The following ETV3 variants were observed in gnomAD, a reference collection of about 807,000 sequenced individuals.
ETV3 encodes the protein ETS variant transcription factor 3.
Under a neutral mutation model 33.0 loss-of-function variants are expected in ETV3, and 8 were observed. That is an observed-to-expected ratio of 0.24 (90% CI 0.14 to 0.44). The LOEUF (loss-of-function observed/expected upper bound fraction) is 0.44, where lower values mean the gene tolerates loss of function less well. Among genes scored for constraint, ETV3 ranks in the 20% least tolerant of loss-of-function variants. ETV3 has a pLI of 1.00. For synonymous variants in ETV3, 222 were observed against 238.9 expected (o/e 0.93, Z 0.65); for missense variants, 473 against 652.3 (o/e 0.73, Z 2.99).
At chr1:157,133,512 TA>T in intron 4 of ETV3, 1 of 985,938 alleles carries the variant, frequency 1.0e-6, no homozygotes, top group Non-Finnish European at 1.2e-6. Flanking sequence ...GATGGAAAGC[TA>T]TAACCAGGAA....
At position 157,125,656 on chromosome 1, in the gene ETV3, C is replaced by G; in HGVS notation, c.724G>C (p.Asp242His). 2 of 1,551,618 alleles carry G rather than the reference C, an allele frequency of 1.3e-6. No homozygotes were observed. The highest frequency in any genetic ancestry group is 2.7e-5 in the African/African-American group (2 of 73,110). ...PLFARPGMYP[D>H]PHSPFAVSPI... is the part of the protein sequence containing the mutation. ...GAGACAGCGAAGGGACTGTGGGGGT[C>G]AGGGTACATCCCTGGCCTAGCAAAC... The change falls in exon 5 of 5, where the codon GAC (aspartate) becomes CAC (histidine). Residue 242 changes from aspartate to histidine, a missense_variant. By Grantham distance (81) the Asp-to-His change is moderately conservative (BLOSUM62 -1). Around this residue, in one of 3 missense-constraint regions of ETV3, gnomAD observed 410 missense variants for 520.2 expected, o/e 0.79. Transcript: ENST00000368192. The surrounding 1 kb of genome is among the most constrained non-coding windows in gnomAD (Gnocchi z 4.0).
chr1:157,132,281 G>A (rs1419221827), intron 4 of ETV3, among the ~76,000 whole-genome samples: 1 of 152,208 alleles, frequency 6.6e-6, no homozygotes, highest in Non-Finnish European at 1.5e-5. Context: ...CTTGAGCTTG[G>A]GTTAAAGATC....
chr1:157,134,625 C>A (rs1209432719), intron 3 of ETV3, among the ~76,000 whole-genome samples: 2 of 152,142 alleles, frequency 1.3e-5, no homozygotes, highest in Non-Finnish European at 2.9e-5. Flanking sequence ...ACTAGGGAGA[C>A]CTGATGTGGT....
intron 4 of ETV3, chr1:157,128,668 A>G (rs1674899683): frequency 1.0e-5 from 2 of 192,214 alleles, no homozygotes; most frequent in South Asian, 1.9e-4. Context: ...CTACTAATGG[A>G]TAATAATTGG....
At chr1:157,137,165 C>T (rs1675132203) in intron 1 of ETV3, among the ~76,000 whole-genome samples, 1 of 152,078 alleles carries the variant, frequency 6.6e-6, no homozygotes, top group Non-Finnish European at 1.5e-5. Context: ...ATTTCCTGTT[C>T]CTCCCAGCAA....
At chr1:157,130,506 C>T (rs1213099266) in intron 4 of ETV3, among the ~76,000 whole-genome samples, 2 of 152,212 alleles carry the variant, frequency 1.3e-5, no homozygotes, top group African/African-American at 4.8e-5. Flanking sequence ...GTCTGAATCT[C>T]AGTTCTGGCA....
intron 1 of ETV3, 54 bp from the exon 2 acceptor site, chr1:157,136,419 C>T (rs1383326027): frequency 3.3e-6 from 5 of 1,516,620 alleles, no homozygotes; most frequent in Non-Finnish European, 4.5e-6. Context: ...TTAGTATCCT[C>T]TCAAAAGTTT....
rs1674714392 is a variant in ETV3 at position 157,121,762 on chromosome 1, T to C, written c.*3079A>G. The C allele has an allele frequency of 6.6e-6, 1 of 152,188 alleles. No individual in the cohort carries two copies. Among genetic ancestry groups the C allele is most frequent in the Admixed American group, 6.5e-5 (1 of 15,280 alleles). The allele number at this position is 152,188 out of a possible 1,614,324, so 9.4% of individuals were successfully genotyped here. On this transcript the variant is annotated 3_prime_UTR_variant, in exon 5 of 5. Coordinates refer to ENST00000368192, the MANE Select transcript of ETV3 (RefSeq NM_001145312.3). The stretch of plus-strand genomic sequence containing the variant: ...TCTACCCACTTGGTGAGAAGTGATA[T>C]ACTTCAACTATTTTTTTAATGCTTC...
At chr1:157,130,771 C>T (rs548105086) in intron 4 of ETV3, among the ~76,000 whole-genome samples, 37 of 152,292 alleles carry the variant, frequency 2.4e-4, no homozygotes, top group Non-Finnish European at 3.1e-4. Context: ...TAGCAAATTG[C>T]ATGTCATTGT....
At position 157,135,673 on chromosome 1, in the gene ETV3, A is replaced by T. The variant is rs201230416; in HGVS notation, c.82T>A (p.Ser28Thr). Residue 28 changes from serine to threonine, a missense_variant, in exon 3 of 5, where the codon TCA (serine) becomes ACA (threonine). By Grantham distance (58) the Ser-to-Thr change is moderately conservative (BLOSUM62 1). Around this residue, in one of 3 missense-constraint regions of ETV3, gnomAD observed 33 missense variants for 37.1 expected, o/e 0.89. Transcript: ENST00000368192. ...QFPDWAYKTE[S>T]SPGSRQIQLW... ...TGGATCTGCCGGGAGCCTGGGGATG[A>T]CTCTGTTTTGTAGGCCCAGTCAGGA... The T allele has an allele frequency of 6.2e-7, 1 of 1,613,970 alleles. No individual in the cohort carries two copies. Among genetic ancestry groups the T allele is most frequent in the African/African-American group, 1.3e-5 (1 of 74,892 alleles).
rs898008674 is a variant in ETV3, at chr1:157,122,921, G to C, written c.*1920C>G. On this transcript the variant is annotated 3_prime_UTR_variant, in exon 5 of 5. Coordinates refer to ENST00000368192, the MANE Select transcript of ETV3 (RefSeq NM_001145312.3). Reference sequence around the variant, plus strand: ...TGGAATTTGAATCAAACATGGGGGAGGACACCTGCCAAGCAATAGTATGAT... The same window carrying C: ...TGGAATTTGAATCAAACATGGGGGACGACACCTGCCAAGCAATAGTATGAT... 1 of 152,210 alleles carries C rather than the reference G, an allele frequency of 6.6e-6. No homozygotes were observed. Among genetic ancestry groups the C allele is most frequent in the Non-Finnish European group, 1.5e-5 (1 of 68,076 alleles). 9.4% of individuals were successfully genotyped at this position (152,210 alleles called of 1,614,324 possible).
At chr1:157,137,524 A>ACACACACACACACTCT (rs1675148637) in intron 1 of ETV3, among the ~76,000 whole-genome samples, 1 of 150,926 alleles carries the variant, frequency 6.6e-6, no homozygotes, top group Middle Eastern at 3.2e-3. Context: ...ACACACACAC[A>ACACACACACACACTCT]CACACACACA....
Position 157,125,606 on chromosome 1 carries a change from G to A in ETV3, c.774C>T (p.Val258=), listed in dbSNP as rs747840710. Residue 258 remains valine (V), a synonymous_variant, in exon 5 of 5, where the codon GTC becomes GTT. Transcript: ENST00000368192. The surrounding 1 kb of genome is among the most constrained non-coding windows in gnomAD (Gnocchi z 4.0). The part of the protein sequence containing the change: ...AVSPIPGRGG[V]LNVPISPALS... ...GGGCTGGTGAAATGGGGACATTAAG[G>A]ACACCTCCGCGGCCAGGGATTGGAG... 13 of 1,551,774 alleles carry A rather than the reference G, an allele frequency of 8.4e-6. No individual in the cohort carries two copies. In the South Asian group the frequency reaches 1.4e-4, roughly 17 times the overall value.
chr1:157,121,944 C>T lies in ETV3; in HGVS notation c.*2897G>A, dbSNP rs557271975. The T allele has an allele frequency of 4.5e-4, 68 of 152,288 alleles. No homozygotes were observed. The highest frequency in any genetic ancestry group is 1.5e-3 in the African/African-American group (63 of 41,552). 9.4% of individuals were successfully genotyped at this position (152,288 alleles called of 1,614,324 possible). ...CATTCTTCAGGAAAAAAGGTGAGCT[C>T]AGCAAGGCTGGATGCCATTAAGAGA... On this transcript the variant is annotated 3_prime_UTR_variant, in exon 5 of 5. Transcript: ENST00000368192.
chr1:157,125,222 A>G lies in ETV3; in HGVS notation c.1158T>C (p.Ser386=), dbSNP rs1300943552. 1.3e-6 allele frequency: 2 copies of G among 1,552,052 alleles called. No individual in the cohort carries two copies. The highest frequency in any genetic ancestry group is 2.7e-5 in the African/African-American group (2 of 73,104). Reference sequence around the variant, plus strand: ...GCCTGAGGCTCTCAGGATCCTTTTCAGAGGCAGGTTCCACCTTGATTCTTG... The same window carrying G: ...GCCTGAGGCTCTCAGGATCCTTTTCGGAGGCAGGTTCCACCTTGATTCTTG... ...IPPRIKVEPA[S]EKDPESLRQS... The change falls in exon 5 of 5, where the codon TCT becomes TCC. Residue 386 remains serine (S), a synonymous_variant. Transcript: ENST00000368192. This position sits in a 1 kb window ranked among gnomAD's most constrained non-coding sequence, Gnocchi z 4.0.
At chr1:157,127,462 A>C (rs907608447) in intron 4 of ETV3, among the ~76,000 whole-genome samples, 6 of 152,084 alleles carry the variant, frequency 3.9e-5, no homozygotes, top group Admixed American at 3.9e-4. Flanking sequence ...AAAATCCAGG[A>C]CCTACTATTC....
chr1:157,124,754 T>TACCCC lies in ETV3; in HGVS notation c.*86_*87insGGGGT. 2 of 328,824 alleles carry TACCCC rather than the reference T, an allele frequency of 6.1e-6. No individual in the cohort carries two copies. The highest frequency in any genetic ancestry group is 2.9e-5 in the South Asian group (1 of 34,318). 20.4% of individuals were successfully genotyped at this position (328,824 alleles called of 1,614,324 possible). A position where few individuals can be genotyped will look rare whatever the true frequency, so the allele number is the denominator to read the frequency against. On this transcript the variant is annotated 3_prime_UTR_variant, in exon 5 of 5. Transcript: ENST00000368192. ...CCTAGAATGATCAAACCAGTTTAAC[T>TACCCC]CCCTCCCCCCCACCCTGAAATCTTG...
At chr1:157,137,509 A>AACACACACAC (rs10567825) in intron 1 of ETV3, among the ~76,000 whole-genome samples, 18 of 145,090 alleles carry the variant, frequency 1.2e-4, no homozygotes, top group South Asian at 9.0e-4. Flanking sequence ...GACAAGGAAA[A>AACACACACAC]ACACACACAC....
chr1:157,128,913 A>G (rs1262481921), intron 4 of ETV3, among the ~76,000 whole-genome samples: 9 of 152,262 alleles, frequency 5.9e-5, no homozygotes, highest in Non-Finnish European at 1.3e-4. Flanking sequence ...CCTTCTAAAT[A>G]TATGACTGGA....
Sources: gnomAD v4.1 joint callset for allele counts (sites outside exome capture counted in the v4.1 genomes callset) on GRCh38, gnomAD v4.1.1 for gene constraint, gnomAD v4.1.1 regional missense constraint, Gnocchi (gnomAD v3.1) non-coding constraint, MANE v1.5 for transcripts, NCBI Gene and HGNC (gene_info 2026-07-23, HGNC 2026-07-21) for gene names.